H2BC4: variants seen among roughly 807,000 people sequenced by gnomAD.
H2BC4 encodes the protein histone H2B type 1-C/E/F/G/I.
Under a neutral mutation model 6.2 loss-of-function variants are expected in H2BC4, and 10 were observed. The ratio of observed to expected loss-of-function variants is 1.61; its 90% CI spans 0.99 to 2.73. H2BC4 has a LOEUF of 2.73. H2BC4 is among the 30% of genes most tolerant of loss of function. H2BC4 has a pLI of 0.00. For synonymous variants in H2BC4, 146 were observed against 70.7 expected (o/e 2.07, Z -5.35); for missense variants, 176 against 168.7 (o/e 1.04, Z -0.24).
chr6:26,121,590 C>T (rs546189801), downstream of H2BC4, among the ~76,000 whole-genome samples: 1 of 152,052 alleles, frequency 6.6e-6, no homozygotes, highest in Non-Finnish European at 1.5e-5. Flanking sequence ...ATTATTTCAT[C>T]TAACACAGGC....
chr6:26,117,955 A>G (rs762425537), intron 1 of H2BC4, among the ~76,000 whole-genome samples: 2 of 152,160 alleles, frequency 1.3e-5, no homozygotes, highest in Non-Finnish European at 2.9e-5. Flanking sequence ...AACACTTAAG[A>G]TTGGCTGTGC....
downstream of H2BC4, among the ~76,000 whole-genome samples, chr6:26,113,543 T>C (rs1161394433): frequency 6.6e-6 from 1 of 152,218 alleles, no homozygotes; most frequent in Non-Finnish European, 1.5e-5. Context: ...CAAGGTCAAC[T>C]TCTCACCTCA....
At position 26,123,519 on chromosome 6, in the gene H2BC4, A is replaced by G. The variant is rs1242266661; in HGVS notation, c.*5T>C. ...GTTAGGTGTTAAGACGCTTACTTGG[A>G]ATGTTTACTTGGAGCTGGTGTACTT... On this transcript the variant is annotated 3_prime_UTR_variant, in exon 1 of 1. Transcript: ENST00000396984. 1.7e-5 allele frequency: 28 copies of G among 1,614,102 alleles called. No homozygotes were observed. The highest frequency in any genetic ancestry group is 2.3e-5 in the Non-Finnish European group (27 of 1,179,998).
downstream of H2BC4, among the ~76,000 whole-genome samples, chr6:26,121,297 A>G (rs1763493614): frequency 6.6e-6 from 1 of 152,246 alleles, no homozygotes; most frequent in South Asian, 2.1e-4. Context: ...TTCAAATTCT[A>G]CTACTGCCAC....
Position 26,123,795 on chromosome 6 carries a change from C to T in H2BC4, c.110G>A (p.Ser37Asn). The T allele has an allele frequency of 1.2e-6, 2 of 1,614,270 alleles. No homozygotes were observed. Among genetic ancestry groups the T allele is most frequent in the Non-Finnish European group, 1.7e-6 (2 of 1,180,048 alleles). The stretch of plus-strand genomic sequence containing the variant: ...CACCTTGTACACGTACACAGAGTAA[C>T]TCTCCTTGCGGCTGCGCTTGCGCTT... The part of the protein sequence containing the change: ...GKKRKRSRKE[S>N]YSVYVYKVLK... The change falls in exon 1 of 1, where the codon AGT (serine) becomes AAT (asparagine). Residue 37 changes from serine (S) to asparagine (N), a missense_variant. Coordinates refer to ENST00000396984, the MANE Select transcript of H2BC4 (RefSeq NM_003526.3).
downstream of H2BC4, among the ~76,000 whole-genome samples, chr6:26,114,331 AC>A (rs1373307473): frequency 1.3e-5 from 2 of 152,214 alleles, no homozygotes; most frequent in Non-Finnish European, 2.9e-5. Context: ...GTCATGGCTA[AC>A]AAGAAACATG....
At position 26,123,785 on chromosome 6, in the gene H2BC4, C is replaced by T. The variant is rs771607641; in HGVS notation, c.120G>A (p.Val40=). ...CCTGTTTCAGCACCTTGTACACGTA[C>T]ACAGAGTAACTCTCCTTGCGGCTGC... ...RKRSRKESYS[V]YVYKVLKQVH... Residue 40 remains valine (V), a synonymous_variant, in exon 1 of 1, where the codon GTG becomes GTA. Transcript: ENST00000396984. 2 of 1,614,270 alleles carry T rather than the reference C, an allele frequency of 1.2e-6. No individual in the cohort carries two copies. Among genetic ancestry groups the T allele is most frequent in the South Asian group, 1.1e-5 (1 of 91,092 alleles).
chr6:26,122,951 T>G (rs373830897), downstream of H2BC4, among the ~76,000 whole-genome samples: 33 of 152,268 alleles, frequency 2.2e-4, no homozygotes, highest in African/African-American at 7.7e-4. Flanking sequence ...CCGGGGCAGT[T>G]GGAAACCCAG....
chr6:26,122,053 CAAA>C (rs67046086), downstream of H2BC4, among the ~76,000 whole-genome samples: 41,139 of 124,282 alleles, frequency 0.33, 6,187 homozygotes, highest in Non-Finnish European at 0.39. Context: ...AACTTCGTCT[CAAA>C]AAAAAAAAAA....
At chr6:26,115,212 C>T (rs998120459) in intron 1 of H2BC4, 2 of 152,190 alleles carry the variant, frequency 1.3e-5, no homozygotes, top group African/African-American at 4.8e-5. Context: ...ACTCTGAGAA[C>T]AATGATAATG....
chr6:26,115,459 G>C (rs1463140766), intron 1 of H2BC4, among the ~76,000 whole-genome samples: 2 of 152,194 alleles, frequency 1.3e-5, no homozygotes, highest in African/African-American at 4.8e-5. Context: ...TTGAATGTCT[G>C]TACGCTCTTA....
chr6:26,117,036 T>C (rs1763430300), intron 1 of H2BC4, among the ~76,000 whole-genome samples: 1 of 152,200 alleles, frequency 6.6e-6, no homozygotes, highest in Non-Finnish European at 1.5e-5. Flanking sequence ...ATCTGGAAGA[T>C]TTAAGAGAAA....
chr6:26,122,315 A>G (rs182337386), downstream of H2BC4, among the ~76,000 whole-genome samples: 149 of 152,326 alleles, frequency 9.8e-4, 2 homozygotes, highest in Middle Eastern at 3.4e-3. Context: ...GTTTGTAAAA[A>G]TCTGCTTTAA....
intron 1 of H2BC4, among the ~76,000 whole-genome samples, chr6:26,116,390 T>C (rs1253612991): frequency 6.6e-6 from 1 of 152,160 alleles, no homozygotes; most frequent in African/African-American, 2.4e-5. Flanking sequence ...ACATATTTTT[T>C]CCTCCTCAGA....
chr6:26,115,538 T>C (rs73389473), intron 1 of H2BC4, among the ~76,000 whole-genome samples: 2,317 of 152,240 alleles, frequency 0.015, 63 homozygotes, highest in African/African-American at 0.051. Flanking sequence ...TAAAAATTTA[T>C]CCAGTGAGGA....
chr6:26,114,887 TATTTTA>T (rs1268890548), exon 2 of H2BC4: 5 of 152,070 alleles, frequency 3.3e-5, no homozygotes, highest in African/African-American at 7.2e-5. Flanking sequence ...TACTAGGAGT[TATTTTA>T]ATTTTGTCTT....
At chr6:26,116,365 AG>A (rs1763419668) in intron 1 of H2BC4, among the ~76,000 whole-genome samples, 1 of 152,158 alleles carries the variant, frequency 6.6e-6, no homozygotes, top group Admixed American at 6.5e-5. Context: ...AGCAAACCAA[AG>A]TCCCATTATT....
rs1259822386 is a variant in H2BC4 at position 26,123,795 on chromosome 6, C to G, written c.110G>C (p.Ser37Thr). 1 of 1,614,270 alleles carries G rather than the reference C, an allele frequency of 6.2e-7. No homozygotes were observed. The change falls in exon 1 of 1, where the codon AGT becomes ACT. Residue 37 changes from serine (S) to threonine (T), a missense_variant. Transcript: ENST00000396984. ...CACCTTGTACACGTACACAGAGTAA[C>G]TCTCCTTGCGGCTGCGCTTGCGCTT... ...GKKRKRSRKE[S>T]YSVYVYKVLK...
downstream of H2BC4, among the ~76,000 whole-genome samples, chr6:26,119,949 A>G (rs1402434385): frequency 1.3e-5 from 2 of 152,124 alleles, no homozygotes; most frequent in Admixed American, 6.5e-5. Context: ...TAAGACCACT[A>G]ATGAAACTCA....
Sources: allele counts gnomAD v4.1 joint callset (sites outside exome capture counted in the v4.1 genomes callset), GRCh38; gene constraint gnomAD v4.1.1; transcripts MANE v1.5; gene names NCBI Gene and HGNC (gene_info 2026-07-23, HGNC 2026-07-21).